The following RSBN1L variants were observed in gnomAD, a reference collection of about 807,000 sequenced individuals.
RSBN1L encodes lysine-specific demethylase RSBN1L.
A neutral mutation model predicts 67.7 loss-of-function variants in RSBN1L; 30 were observed. The ratio of observed to expected loss-of-function variants is 0.44; its 90% CI spans 0.33 to 0.60. The LOEUF (loss-of-function observed/expected upper bound fraction) is 0.60, where lower values mean the gene tolerates loss of function less well. Ranked by LOEUF, RSBN1L falls within the 20% of genes least tolerant of loss-of-function variation. The pLI is 0.02. For synonymous variants in RSBN1L, 433 were observed against 387.0 expected, an observed-to-expected ratio of 1.12 and a Z score of -1.39; for missense variants, 992 against 1,031.7, an observed-to-expected ratio of 0.96 and a Z score of 0.53.
chr7:77,745,192 C>T (rs529696950), intron 2 of RSBN1L, among the ~76,000 whole-genome samples: 118 of 149,904 alleles, frequency 7.9e-4, no homozygotes, highest in African/African-American at 2.7e-3. Flanking sequence ...ACCCGGGAGG[C>T]GGAGGTTGCA....
At chr7:77,751,603 A>AGG (rs1416747898) in intron 3 of RSBN1L, among the ~76,000 whole-genome samples, 19 of 152,328 alleles carry the variant, frequency 1.2e-4, no homozygotes, top group African/African-American at 4.3e-4. Flanking sequence ...CTGAGGTTAC[A>AGG]CCTGAATATA....
intron 2 of RSBN1L, among the ~76,000 whole-genome samples, chr7:77,746,643 A>G (rs1469671798): frequency 6.6e-6 from 1 of 152,072 alleles, no homozygotes; most frequent in Admixed American, 6.6e-5. Context: ...ATTAACCCAA[A>G]AGTTCAAAGT....
intron 3 of RSBN1L, among the ~76,000 whole-genome samples, chr7:77,750,989 A>G (rs1791549482): frequency 2.0e-5 from 3 of 152,188 alleles, no homozygotes; most frequent in Admixed American, 2.0e-4. Context: ...TCCTTTCCTT[A>G]TTCTGAATAT....
intron 1 of RSBN1L, among the ~76,000 whole-genome samples, chr7:77,724,106 T>G (rs1791159713): frequency 6.6e-6 from 1 of 152,104 alleles, no homozygotes; most frequent in Admixed American, 6.6e-5. Context: ...TTTTCTCCTT[T>G]TTTTCTCCTC....
intron 1 of RSBN1L, among the ~76,000 whole-genome samples, chr7:77,704,901 G>A (rs903785440): frequency 1.6e-4 from 24 of 152,220 alleles, no homozygotes; most frequent in African/African-American, 5.5e-4. Flanking sequence ...GAACCTGGGA[G>A]GTGGAGGTTG....
In RSBN1L at chr7:77,780,680, G is replaced by A. The variant is rs911250367; in HGVS notation, c.*1512G>A. The A allele has an allele frequency of 2.0e-5, 3 of 152,142 alleles. No individual in the cohort carries two copies. The highest frequency in any genetic ancestry group is 2.9e-5 in the Non-Finnish European group (2 of 68,024). 9.4% of individuals were successfully genotyped at this position (152,142 alleles called of 1,614,324 possible). A position where few individuals can be genotyped will look rare whatever the true frequency, so the allele number is the denominator to read the frequency against. ...GATATAATTAACAAAATACTTTGTGGTACCTCTTATCTCTCAGGATCTCCT... is the reference window on the plus strand; with the variant it reads ...GATATAATTAACAAAATACTTTGTGATACCTCTTATCTCTCAGGATCTCCT... On this transcript the variant is annotated 3_prime_UTR_variant, in exon 8 of 8. Coordinates refer to ENST00000334955, the MANE Select transcript of RSBN1L (RefSeq NM_198467.3).
intron 2 of RSBN1L, among the ~76,000 whole-genome samples, chr7:77,747,512 G>A (rs762767126): frequency 3.3e-5 from 5 of 152,138 alleles, no homozygotes; most frequent in Admixed American, 6.5e-5. Context: ...AAGGTGCCCA[G>A]GTATAGCTTG....
intron 3 of RSBN1L, among the ~76,000 whole-genome samples, chr7:77,758,253 A>G (rs1189799681): frequency 6.6e-6 from 1 of 152,202 alleles, no homozygotes; most frequent in African/African-American, 2.4e-5. Flanking sequence ...CCCAGGTTCA[A>G]GTGATTCTTG....
At chr7:77,705,517 T>G (rs1161135849) in intron 1 of RSBN1L, among the ~76,000 whole-genome samples, 2 of 145,602 alleles carry the variant, frequency 1.4e-5, no homozygotes, top group East Asian at 3.9e-4. Flanking sequence ...ATGGTTTTTT[T>G]TTTTTTTTTT....
At chr7:77,764,926 C>T (rs367659303) in intron 3 of RSBN1L, among the ~76,000 whole-genome samples, 13 of 152,186 alleles carry the variant, frequency 8.5e-5, no homozygotes, top group Middle Eastern at 6.8e-3. Flanking sequence ...CCACTGCGCC[C>T]GGCTGTGATT....
At chr7:77,724,114 C>T (rs1791159868) in intron 1 of RSBN1L, among the ~76,000 whole-genome samples, 2 of 151,844 alleles carry the variant, frequency 1.3e-5, no homozygotes, top group South Asian at 2.1e-4. Flanking sequence ...TTTTTTTCTC[C>T]TCTTGATTAA....
chr7:77,715,631 T>A (rs1249953053), intron 1 of RSBN1L, among the ~76,000 whole-genome samples: 1 of 152,138 alleles, frequency 6.6e-6, no homozygotes, highest in Admixed American at 6.5e-5. Flanking sequence ...GTTGGGCTGT[T>A]AAGTGTAAGT....
chr7:77,724,290 T>C (rs998911075), intron 1 of RSBN1L, among the ~76,000 whole-genome samples: 8 of 150,268 alleles, frequency 5.3e-5, no homozygotes, highest in African/African-American at 1.9e-4. Context: ...TGTATCTCCT[T>C]CTAATATACT....
At chr7:77,698,802 A>G (rs1562791131) in intron 1 of RSBN1L, among the ~76,000 whole-genome samples, 1 of 151,870 alleles carries the variant, frequency 6.6e-6, no homozygotes, top group Admixed American at 6.6e-5. Flanking sequence ...CTACTGTAAG[A>G]TTTTCATTTT....
chr7:77,704,600 G>T (rs896309548), intron 1 of RSBN1L, among the ~76,000 whole-genome samples: 2 of 152,032 alleles, frequency 1.3e-5, no homozygotes, highest in African/African-American at 4.8e-5. Flanking sequence ...GCATTTTAAA[G>T]CATATTCCAG....
chr7:77,713,527 T>G (rs1388722518), intron 1 of RSBN1L, among the ~76,000 whole-genome samples: 1 of 151,194 alleles, frequency 6.6e-6, no homozygotes, highest in Non-Finnish European at 1.5e-5. Context: ...CGGCTAATTT[T>G]TTGTATTTTT....
chr7:77,719,660 G>A (rs761069678), intron 1 of RSBN1L, among the ~76,000 whole-genome samples: 1 of 152,126 alleles, frequency 6.6e-6, no homozygotes, highest in Admixed American at 6.6e-5. Context: ...TTCTGCTCTG[G>A]AGACCAATCT....
At chr7:77,718,256 C>A (rs550053008) in intron 1 of RSBN1L, among the ~76,000 whole-genome samples, 20 of 152,160 alleles carry the variant, frequency 1.3e-4, no homozygotes, top group African/African-American at 4.6e-4. Flanking sequence ...ATATATTAAG[C>A]CTTTTTTCTT....
intron 1 of RSBN1L, among the ~76,000 whole-genome samples, chr7:77,698,935 T>C (rs1261241595): frequency 2.0e-5 from 3 of 152,216 alleles, no homozygotes; most frequent in Non-Finnish European, 2.9e-5. Context: ...TACTTATATC[T>C]TTCTAAAGTT....
Sources: allele counts gnomAD v4.1 joint callset (sites outside exome capture counted in the v4.1 genomes callset), GRCh38; gene constraint gnomAD v4.1.1; transcripts MANE v1.5; gene names NCBI Gene and HGNC (gene_info 2026-07-23, HGNC 2026-07-21).